RBFOX1: variants seen among roughly 807,000 people sequenced by gnomAD.
The protein encoded by RBFOX1 is RNA binding fox-1 homolog 1.
In RBFOX1, 8 loss-of-function variants were observed where a neutral mutation model predicts 57.7. That is an observed-to-expected ratio of 0.14 (90% CI 0.08 to 0.25). RBFOX1 has a LOEUF of 0.25. Among genes scored for constraint, RBFOX1 ranks in the 10% least tolerant of loss-of-function variants. The pLI, the probability that RBFOX1 is intolerant of heterozygous loss-of-function variation, is 1.00. For synonymous variants in RBFOX1, 326 were observed against 222.4 expected (o/e 1.47, Z -4.15); for missense variants, 611 against 548.5 (o/e 1.11, Z -1.14).
chr16:6,538,351 G>C (rs1399436277), intron 2 of RBFOX1, among the ~76,000 whole-genome samples: 1 of 152,138 alleles, frequency 6.6e-6, no homozygotes, highest in Non-Finnish European at 1.5e-5. Flanking sequence ...AATTAGCTGA[G>C]TGTGGTGGCA....
chr16:7,185,776 C>G (rs879921740), intron 4 of RBFOX1, among the ~76,000 whole-genome samples: 1 of 152,172 alleles, frequency 6.6e-6, no homozygotes, highest in Non-Finnish European at 1.5e-5. Flanking sequence ...ACTGTAAAGT[C>G]TTTACACTGG....
At chr16:5,919,343 T>A (rs945564294) in intron 4 of RBFOX1, among the ~76,000 whole-genome samples, 2 of 152,204 alleles carry the variant, frequency 1.3e-5, no homozygotes, top group East Asian at 1.9e-4. Flanking sequence ...ATTGCATTTT[T>A]AAATTTTTTT....
chr16:6,612,672 C>G (rs1383614172), intron 2 of RBFOX1, among the ~76,000 whole-genome samples: 1 of 151,638 alleles, frequency 6.6e-6, no homozygotes, highest in African/African-American at 2.4e-5. Flanking sequence ...GCCAACATGA[C>G]AAAACCCCTC....
At chr16:5,503,670 C>G (rs2043278843) in intron 2 of RBFOX1, among the ~76,000 whole-genome samples, 1 of 152,144 alleles carries the variant, frequency 6.6e-6, no homozygotes, top group Non-Finnish European at 1.5e-5. Context: ...TCTTGAACTC[C>G]TGACCTGAGG....
intron 2 of RBFOX1, among the ~76,000 whole-genome samples, chr16:6,344,467 A>G (rs1309376585): frequency 1.6e-5 from 2 of 126,400 alleles, no homozygotes; most frequent in African/African-American, 6.6e-5. Context: ...GCACAATCTC[A>G]GCGCACTGCA....
chr16:6,688,343 C>T (rs1415488246), intron 3 of RBFOX1, among the ~76,000 whole-genome samples: 1 of 152,164 alleles, frequency 6.6e-6, no homozygotes. Flanking sequence ...AAACCACCCC[C>T]ATGATTCAAT....
intron 2 of RBFOX1, among the ~76,000 whole-genome samples, chr16:5,582,432 G>C (rs550082284): frequency 1.3e-5 from 2 of 152,118 alleles, no homozygotes; most frequent in African/African-American, 4.8e-5. Flanking sequence ...TGAGGTGCAA[G>C]TACAGTGCCC....
At chr16:7,599,105 G>T (rs547271491) in intron 9 of RBFOX1, among the ~76,000 whole-genome samples, 15 of 152,178 alleles carry the variant, frequency 9.9e-5, no homozygotes, top group Non-Finnish European at 2.2e-4. Flanking sequence ...CCCTTAAATG[G>T]TATAGACTAT....
chr16:6,429,962 G>A (rs906875989), intron 2 of RBFOX1, among the ~76,000 whole-genome samples: 10 of 151,986 alleles, frequency 6.6e-5, no homozygotes, highest in African/African-American at 2.4e-4. Flanking sequence ...TACAAAATTA[G>A]CCAGGTATGG....
At chr16:7,317,272 A>G (rs764322511) in intron 4 of RBFOX1, among the ~76,000 whole-genome samples, 6 of 151,928 alleles carry the variant, frequency 3.9e-5, no homozygotes, top group Non-Finnish European at 8.8e-5. Context: ...AAGAAATGCA[A>G]CTCCCTGAAG....
At chr16:6,660,886 C>T (rs922529623) in intron 3 of RBFOX1, among the ~76,000 whole-genome samples, 1 of 152,102 alleles carries the variant, frequency 6.6e-6, no homozygotes, top group African/African-American at 2.4e-5. Flanking sequence ...CCAATGGGAC[C>T]TAGTAGGCCT....
At chr16:6,849,285 A>G (rs1192874524) in intron 3 of RBFOX1, among the ~76,000 whole-genome samples, 1 of 152,214 alleles carries the variant, frequency 6.6e-6, no homozygotes, top group African/African-American at 2.4e-5. Flanking sequence ...CTCCTGCAAT[A>G]TTCTGCTCAT....
chr16:7,241,157 A>G (rs559566644), intron 4 of RBFOX1, among the ~76,000 whole-genome samples: 27 of 152,318 alleles, frequency 1.8e-4, no homozygotes, highest in African/African-American at 6.3e-4. Context: ...GGAAAATGAA[A>G]AATCCACTGG....
At chr16:7,596,983 C>A (rs539105323) in intron 8 of RBFOX1, among the ~76,000 whole-genome samples, 1 of 152,146 alleles carries the variant, frequency 6.6e-6, no homozygotes. Context: ...TGTCTCTTCT[C>A]TCTTCTCCAC....
At chr16:6,645,880 C>G (rs8051334) in intron 2 of RBFOX1, among the ~76,000 whole-genome samples, 1 of 152,102 alleles carries the variant, frequency 6.6e-6, no homozygotes, top group Non-Finnish European at 1.5e-5. Context: ...GCTAAGCAAA[C>G]TCGGCCTCCT....
At chr16:6,752,209 C>T (rs1051448429) in intron 3 of RBFOX1, among the ~76,000 whole-genome samples, 3 of 152,156 alleles carry the variant, frequency 2.0e-5, no homozygotes, top group African/African-American at 7.2e-5. Flanking sequence ...TTTGTTCCAT[C>T]AGGCAACATT....
intron 4 of RBFOX1, among the ~76,000 whole-genome samples, chr16:7,082,736 G>A (rs553023143): frequency 6.6e-6 from 1 of 152,224 alleles, no homozygotes; most frequent in South Asian, 2.1e-4. Context: ...TATAATTAAT[G>A]TATCACAATG....
chr16:6,500,624 C>T (rs115639137), intron 2 of RBFOX1, among the ~76,000 whole-genome samples: 4 of 152,028 alleles, frequency 2.6e-5, no homozygotes, highest in Admixed American at 6.6e-5. Context: ...GGTGAAGAGG[C>T]AATTGAAGTA....
intron 3 of RBFOX1, among the ~76,000 whole-genome samples, chr16:6,901,713 AGCTCATTT>A (rs1344721951): frequency 1.6e-4 from 24 of 152,318 alleles, no homozygotes; most frequent in Admixed American, 9.2e-4. Flanking sequence ...GTTACATGGA[AGCTCATTT>A]GCTTATTTGA....
Sources: gnomAD v4.1 joint callset for allele counts (sites outside exome capture counted in the v4.1 genomes callset) on GRCh38, gnomAD v4.1.1 for gene constraint, MANE v1.5 for transcripts, NCBI Gene and HGNC (gene_info 2026-07-23, HGNC 2026-07-21) for gene names.